Variants in NPRL3 observed in about 807,000 individuals in gnomAD.
The protein encoded by NPRL3 is NPR3 like, GATOR1 complex subunit.
Under a neutral mutation model 57.2 loss-of-function variants are expected in NPRL3, and 23 were observed. The observed-to-expected ratio is 0.40, with a 90% CI of 0.29 to 0.57. The LOEUF (loss-of-function observed/expected upper bound fraction) is 0.57, where lower values mean the gene tolerates loss of function less well. Among genes scored for constraint, NPRL3 ranks in the 20% least tolerant of loss-of-function variants. The probability of loss-of-function intolerance (pLI) is 0.42; values close to 1 mark genes in which losing one functional copy is unlikely to be tolerated. For synonymous variants in NPRL3, 333 were observed against 321.1 expected (o/e 1.04, Z -0.39); for missense variants, 691 against 767.1 (o/e 0.90, Z 1.17).
At chr16:103,296 A>ATTTTTGTTTTTT (rs1899381574) in intron 7 of NPRL3, among the ~76,000 whole-genome samples, 1 of 42,110 alleles carries the variant, frequency 2.4e-5, no homozygotes, top group Non-Finnish European at 4.1e-5. Context: ...GCCTGGGGTG[A>ATTTTTGTTTTTT]TTTTTTTTTT....
At chr16:132,458 A>G (rs993764158) in intron 2 of NPRL3, among the ~76,000 whole-genome samples, 4 of 152,124 alleles carry the variant, frequency 2.6e-5, no homozygotes, top group Non-Finnish European at 5.9e-5. Flanking sequence ...TACTTCCTCC[A>G]CTGAAGTTTC....
At chr16:100,268 G>A in intron 8 of NPRL3, 104 bp downstream of exon 8, 1 of 1,266,196 alleles carries the variant, frequency 7.9e-7, no homozygotes, top group African/African-American at 1.5e-5. Context: ...GCAGTGGGAA[G>A]AAGAAAAAGA....
At chr16:131,218 G>A (rs979714967) in intron 2 of NPRL3, among the ~76,000 whole-genome samples, 4 of 151,928 alleles carry the variant, frequency 2.6e-5, no homozygotes, top group African/African-American at 4.8e-5. Context: ...GGTGGTTCAC[G>A]CCTGTAATCC....
intron 7 of NPRL3, among the ~76,000 whole-genome samples, chr16:101,851 C>G (rs1899313024): frequency 6.6e-6 from 1 of 152,220 alleles, no homozygotes. Context: ...GGTCTCCACT[C>G]AAGTGTCACA....
chr16:89,759 G>C lies in NPRL3; in HGVS notation c.1305C>G (p.Gly435=), dbSNP rs755635095. 6.3e-7 allele frequency: 1 copy of C among 1,595,774 alleles called. No homozygotes were observed. Reference sequence around the variant, plus strand: ...CGTTGGGCGTGCTGAGGCTGCGACCGCCGACCCGGGCAGTGAAGGGGACGT... The same window carrying C: ...CGTTGGGCGTGCTGAGGCTGCGACCCCCGACCCGGGCAGTGAAGGGGACGT... ...EDDVPFTARV[G]GRSLSTPNAL... The change falls in exon 12 of 14, where the codon GGC becomes GGG. Residue 435 remains glycine (G), a synonymous_variant. Transcript: ENST00000611875.
At chr16:92,763 C>T (rs770263853) in intron 10 of NPRL3, 38 bp from the exon 11 acceptor site, 33 of 1,608,048 alleles carry the variant, frequency 2.1e-5, no homozygotes, top group Non-Finnish European at 2.7e-5. Flanking sequence ...TGCAGCAGAC[C>T]CCCCCACCGT....
chr16:120,293 A>AC (rs1482067963), intron 3 of NPRL3, among the ~76,000 whole-genome samples: 2 of 152,096 alleles, frequency 1.3e-5, no homozygotes, highest in Admixed American at 1.3e-4. Flanking sequence ...GGGCAGGGAG[A>AC]CCCCTAAGGT....
At position 127,354 on chromosome 16, in the gene NPRL3, G is replaced by A. The variant is rs116870230; in HGVS notation, c.188+3168C>T. On this transcript the variant is annotated intron_variant, in intron 3 of 13. Coordinates refer to ENST00000611875, the MANE Select transcript of NPRL3 (RefSeq NM_001077350.3). Reference sequence around the variant, plus strand: ...AAGCTCCATGTCCTGGGCTCCCTCAGCCTCCGCAGTGGCTGGGACTAAGGG... The same window carrying A: ...AAGCTCCATGTCCTGGGCTCCCTCAACCTCCGCAGTGGCTGGGACTAAGGG... 4.5e-3 allele frequency: 666 copies of A among 149,524 alleles called. 2 individuals carry two copies. Among genetic ancestry groups the A allele is most frequent in the Non-Finnish European group, 6.4e-3 (437 of 67,962 alleles). The allele number at this position is 149,524 out of a possible 1,614,324, so 9.3% of individuals were successfully genotyped here.
chr16:124,101 C>T lies in NPRL3; in HGVS notation c.189-4846G>A, dbSNP rs902759042. 1.9e-3 allele frequency among the ~76,000 whole-genome samples: 4 copies of T among 2,094 alleles called. No individual in the cohort carries two copies. In the South Asian group the frequency reaches 0.069, roughly 36 times the overall value. The allele number at this position is 2,094 out of a possible 152,430, so 1.4% of individuals were successfully genotyped here. ...TCCCCACGCTGAGAAACAGATCACA[C>T]ACTCCCAACATGTGAGAAACAGGGT... is the stretch of plus-strand genomic sequence containing the variant. On this transcript the variant is annotated intron_variant, in intron 3 of 13. Coordinates refer to ENST00000611875, the MANE Select transcript of NPRL3 (RefSeq NM_001077350.3).
chr16:132,287 G>T (rs1007610079), intron 2 of NPRL3, among the ~76,000 whole-genome samples: 1 of 152,092 alleles, frequency 6.6e-6, no homozygotes, highest in East Asian at 1.9e-4. Flanking sequence ...GATTACAGGC[G>T]TGAGTCACCA....
intron 7 of NPRL3, among the ~76,000 whole-genome samples, chr16:100,837 G>A (rs559573893): frequency 2.0e-5 from 3 of 150,178 alleles, no homozygotes; most frequent in South Asian, 2.1e-4. Flanking sequence ...CAGGTGTGGT[G>A]GCGGGCGCCT....
intron 11 of NPRL3, among the ~76,000 whole-genome samples, chr16:91,580 CAG>C (rs1329126991): frequency 6.6e-6 from 1 of 152,160 alleles, no homozygotes; most frequent in East Asian, 1.9e-4. Flanking sequence ...AGCAGGGGTG[CAG>C]AGAGTGCCTT....
intron 3 of NPRL3, among the ~76,000 whole-genome samples, chr16:122,069 C>T (rs1900306173): frequency 1.3e-5 from 2 of 150,948 alleles, no homozygotes; most frequent in Admixed American, 6.6e-5. Flanking sequence ...GCCACCACGC[C>T]CGGCCCCATG....
At chr16:90,013 C>T in intron 11 of NPRL3, 111 bp from the exon 12 acceptor site, 1 of 1,052,748 alleles carries the variant, frequency 9.5e-7, no homozygotes, top group Non-Finnish European at 1.3e-6. Context: ...TGTGCTGACG[C>T]ACAGGCAGAA....
chr16:108,659 TTTTG>T (rs1396329003), intron 7 of NPRL3, among the ~76,000 whole-genome samples: 2 of 71,252 alleles, frequency 2.8e-5, no homozygotes, highest in African/African-American at 1.0e-4. Flanking sequence ...TTTATTTTAC[TTTTG>T]TTTTTTAATT....
chr16:103,776 C>G (rs1216282280), intron 7 of NPRL3, among the ~76,000 whole-genome samples: 1 of 152,064 alleles, frequency 6.6e-6, no homozygotes, highest in Non-Finnish European at 1.5e-5. Flanking sequence ...GTCAGGAGTT[C>G]GAGACCAGCC....
intron 3 of NPRL3, among the ~76,000 whole-genome samples, chr16:125,408 G>A (rs1466101229): frequency 6.6e-6 from 1 of 152,230 alleles, no homozygotes; most frequent in Admixed American, 6.5e-5. Flanking sequence ...CAGAGGAAAA[G>A]GAGTAAGCAC....
intron 9 of NPRL3, among the ~76,000 whole-genome samples, chr16:96,767 A>G (rs1279216792): frequency 2.6e-5 from 4 of 152,120 alleles, no homozygotes; most frequent in Admixed American, 2.6e-4. Flanking sequence ...CCTGGGAGAC[A>G]GAGCAAGAAC....
intron 9 of NPRL3, among the ~76,000 whole-genome samples, chr16:94,905 T>G (rs1452269464): frequency 6.6e-6 from 1 of 152,062 alleles, no homozygotes; most frequent in Non-Finnish European, 1.5e-5. Flanking sequence ...TGCTGTCCAT[T>G]CTGGAAATTG....
Sources: gnomAD v4.1 joint callset for allele counts (sites outside exome capture counted in the v4.1 genomes callset) on GRCh38, gnomAD v4.1.1 for gene constraint, MANE v1.5 for transcripts, NCBI Gene and HGNC (gene_info 2026-07-23, HGNC 2026-07-21) for gene names.